HEBP2: variants seen among roughly 807,000 people sequenced by gnomAD.
The protein encoded by HEBP2 is heme binding protein 2.
A neutral mutation model predicts 23.1 loss-of-function variants in HEBP2; 27 were observed. The observed-to-expected ratio is 1.17, with a 90% CI of 0.86 to 1.61. The LOEUF (loss-of-function observed/expected upper bound fraction) is 1.61, where lower values mean the gene tolerates loss of function less well. Among genes scored for constraint, HEBP2 ranks in the 40% most tolerant of loss-of-function variants. The pLI, the probability that HEBP2 is intolerant of heterozygous loss-of-function variation, is 0.00. For missense variants in HEBP2, 245 were observed against 253.8 expected, an observed-to-expected ratio of 0.97 and a Z score of 0.24; for synonymous variants, 99 against 95.1, an observed-to-expected ratio of 1.04 and a Z score of -0.24.
chr6:138,409,481 T>G (rs1438637539), intron 3 of HEBP2, among the ~76,000 whole-genome samples: 1 of 152,244 alleles, frequency 6.6e-6, no homozygotes, highest in African/African-American at 2.4e-5. Flanking sequence ...GGGACCGCAC[T>G]AAGTCATCTT....
At chr6:138,403,716 A>C, upstream of HEBP2, 1 of 411,670 alleles carries the variant, frequency 2.4e-6, no homozygotes, top group Non-Finnish European at 4.3e-6. Context: ...AAATTCTTGA[A>C]AAGCACTAGT....
chr6:138,405,907 G>T (rs1379644975), intron 2 of HEBP2, 64 bp from the exon 3 acceptor site: 27 of 1,312,084 alleles, frequency 2.1e-5, no homozygotes, highest in Non-Finnish European at 2.9e-5. Flanking sequence ...GATCAAAAAA[G>T]AATAGGTTAA....
chr6:138,411,567 A>T (rs546225304), intron 3 of HEBP2, among the ~76,000 whole-genome samples: 28 of 152,256 alleles, frequency 1.8e-4, no homozygotes, highest in Middle Eastern at 3.4e-3. Flanking sequence ...CAGCAAAACC[A>T]TCCTCCATTC....
At chr6:138,405,082 T>C in intron 1 of HEBP2, 63 bp from the exon 2 acceptor site, 1 of 1,565,406 alleles carries the variant, frequency 6.4e-7, no homozygotes, top group Non-Finnish European at 8.7e-7. Context: ...GGCACCGGTA[T>C]TTTTGCATCT....
intron 1 of HEBP2, 94 bp from the exon 2 acceptor site, chr6:138,405,051 T>G (rs912322510): frequency 2.1e-6 from 3 of 1,416,492 alleles, no homozygotes; most frequent in Admixed American, 2.0e-5. Context: ...ACAGGACGGC[T>G]CCAGGTCGAC....
At position 138,421,711 on chromosome 6, in the gene HEBP2, T is replaced by C. The variant is rs1217031568; in HGVS notation, c.*8633T>C. 1 of 152,164 alleles carries C rather than the reference T, an allele frequency of 6.6e-6. No individual in the cohort carries two copies. The highest frequency in any genetic ancestry group is 1.5e-5 in the Non-Finnish European group (1 of 68,028). 9.4% of individuals were successfully genotyped at this position (152,164 alleles called of 1,614,324 possible). ...TTTCAGGGATGAGTCTCGATTCTTC[T>C]CTCCCTGTATTTCATCCATGCCTGT... On this transcript the variant is annotated 3_prime_UTR_variant, in exon 4 of 4. Transcript: ENST00000607197.
In HEBP2 at chr6:138,418,765, A is replaced by G. The variant is rs2128183416; in HGVS notation, c.*5687A>G. 1 of 152,152 alleles carries G rather than the reference A, an allele frequency of 6.6e-6. No homozygotes were observed. Among genetic ancestry groups the G allele is most frequent in the East Asian group, 1.9e-4 (1 of 5,178 alleles). The allele number at this position is 152,152 out of a possible 1,614,324, so 9.4% of individuals were successfully genotyped here. A position where few individuals can be genotyped will look rare whatever the true frequency, so the allele number is the denominator to read the frequency against. On this transcript the variant is annotated 3_prime_UTR_variant, in exon 4 of 4. Transcript: ENST00000607197. The stretch of plus-strand genomic sequence containing the variant: ...AGTTGCAAGCTGAAAATGGACCTTC[A>G]CTCAAAGGTGACATTGAAAAACGGG...
In HEBP2 at chr6:138,405,084, T is replaced by G. The variant is rs1774617903; in HGVS notation, c.103-61T>G. ...GACCCGAGATCATGGCACCGGTATT[T>G]TTGCATCTCACTCCTACCCTCTTAG... On this transcript the variant is annotated intron_variant, in intron 1 of 3. Transcript: ENST00000607197. The G allele has an allele frequency of 1.9e-6, 3 of 1,570,800 alleles. No individual in the cohort carries two copies. In the South Asian group the frequency reaches 3.4e-5, roughly 18 times the overall value.
In HEBP2 at chr6:138,413,023, G is replaced by C; in HGVS notation, c.563G>C (p.Arg188Thr). The change falls in exon 4 of 4, where the codon AGA becomes ACA. Residue 188 changes from arginine (R) to threonine (T), a missense_variant. Arg to Thr is a moderately conservative substitution (Grantham distance 71, BLOSUM62 -1). Transcript: ENST00000607197. Reference sequence around the variant, plus strand: ...AACAGTCCTGTCAAATTGCTTAATAGAAATAATGAAGTGTGGTTGATTCAA... The same window carrying C: ...AACAGTCCTGTCAAATTGCTTAATACAAATAATGAAGTGTGGTTGATTCAA... ...GYNSPVKLLN[R>T]NNEVWLIQKN... is the part of the protein sequence containing the mutation. The C allele has an allele frequency of 6.2e-7, 1 of 1,613,972 alleles. No homozygotes were observed. Among genetic ancestry groups the C allele is most frequent in the South Asian group, 1.1e-5 (1 of 91,072 alleles).
chr6:138,403,544 C>T (rs770626169), upstream of HEBP2: 4 of 484,940 alleles, frequency 8.2e-6, no homozygotes, highest in South Asian at 1.4e-4. Flanking sequence ...CGGAGAGCCT[C>T]GGAGCTCTGG....
chr6:138,408,946 GC>G (rs547401725), intron 3 of HEBP2, among the ~76,000 whole-genome samples: 4 of 152,048 alleles, frequency 2.6e-5, no homozygotes, highest in Non-Finnish European at 5.9e-5. Context: ...CTAAAAATGA[GC>G]CTTTGCCCAA....
In HEBP2 at chr6:138,404,576, C is replaced by A; in HGVS notation, c.81C>A (p.Ala27=). ...CTGTGGAGACGCCGGGCTGGAAGGC[C>A]CCGGAGGACGCCGGCCCCCAGGTAG... ...AQAVETPGWK[A]PEDAGPQPGS... is the part of the protein sequence containing the mutation. Residue 27 remains alanine (A), a synonymous_variant, in exon 1 of 4, where the codon GCC becomes GCA. Coordinates refer to ENST00000607197, the MANE Select transcript of HEBP2 (RefSeq NM_014320.3). 1 of 1,301,980 alleles carries A rather than the reference C, an allele frequency of 7.7e-7. No homozygotes were observed. Among genetic ancestry groups the A allele is most frequent in the South Asian group, 2.2e-5 (1 of 45,620 alleles). The allele number at this position is 1,301,980 out of a possible 1,614,324, so 80.7% of individuals were successfully genotyped here. A position where few individuals can be genotyped will look rare whatever the true frequency, so the allele number is the denominator to read the frequency against.
rs1431922113 is a variant in HEBP2 at position 138,418,790 on chromosome 6, G to GA, written c.*5719dup. 3.9e-5 allele frequency: 6 copies of GA among 152,082 alleles called. No individual in the cohort carries two copies. The highest frequency in any genetic ancestry group is 4.4e-5 in the Non-Finnish European group (3 of 68,010). 9.4% of individuals were successfully genotyped at this position (152,082 alleles called of 1,614,324 possible). On this transcript the variant is annotated 3_prime_UTR_variant, in exon 4 of 4. Coordinates refer to ENST00000607197, the MANE Select transcript of HEBP2 (RefSeq NM_014320.3). ...ACTCAAAGGTGACATTGAAAAACGG[G>GA]AAAAAAATTGCAATCTTCCTGCAAA... is the stretch of plus-strand genomic sequence containing the variant.
rs1774855309 is a variant in HEBP2 at position 138,417,292 on chromosome 6, A to C, written c.*4214A>C. On this transcript the variant is annotated 3_prime_UTR_variant, in exon 4 of 4. Coordinates refer to ENST00000607197, the MANE Select transcript of HEBP2 (RefSeq NM_014320.3). ...TTTGTTCCTTGACCTGTGGGGAAAG[A>C]GTATAAGCTTCTAAACTCCCTCTCC... 1 of 152,200 alleles carries C rather than the reference A, an allele frequency of 6.6e-6. No individual in the cohort carries two copies. The highest frequency in any genetic ancestry group is 2.1e-4 in the South Asian group (1 of 4,824). 9.4% of individuals were successfully genotyped at this position (152,200 alleles called of 1,614,324 possible).
At chr6:138,403,545 G>A, upstream of HEBP2, 1 of 483,828 alleles carries the variant, frequency 2.1e-6, no homozygotes, top group Non-Finnish European at 3.7e-6. Context: ...GGAGAGCCTC[G>A]GAGCTCTGGC....
At position 138,404,428 on chromosome 6, in the gene HEBP2, A is replaced by C. The variant is rs1336762175; in HGVS notation, c.-68A>C. On this transcript the variant is annotated 5_prime_UTR_variant, in exon 1 of 4. Coordinates refer to ENST00000607197, the MANE Select transcript of HEBP2 (RefSeq NM_014320.3). ...GGGCCTCGGCGGGGCGCGCACACGCAGGCGGGGCGGCCCGGGGTGCGGGGC... is the reference window on the plus strand; with the variant it reads ...GGGCCTCGGCGGGGCGCGCACACGCCGGCGGGGCGGCCCGGGGTGCGGGGC... 4 of 1,064,154 alleles carry C rather than the reference A, an allele frequency of 3.8e-6. No individual in the cohort carries two copies. The highest frequency in any genetic ancestry group is 4.4e-5 in the Admixed American group (1 of 22,548). The allele number at this position is 1,064,154 out of a possible 1,614,324, so 65.9% of individuals were successfully genotyped here. A position where few individuals can be genotyped will look rare whatever the true frequency, so the allele number is the denominator to read the frequency against.
In HEBP2 at chr6:138,405,004, G is replaced by A. The variant is rs983445514; in HGVS notation, c.103-141G>A. On this transcript the variant is annotated intron_variant, in intron 1 of 3. Transcript: ENST00000607197. ...GAACCTCCCAGACCTAAGGAGCGGG[G>A]ACCTCAGGCCGGACCCCGGGGCGGT... is the stretch of plus-strand genomic sequence containing the variant. 3.1e-5 allele frequency: 25 copies of A among 795,288 alleles called. No homozygotes were observed. The African/African-American group carries it at 4.2e-4, about 13-fold the overall frequency. The allele number at this position is 795,288 out of a possible 1,614,324, so 49.3% of individuals were successfully genotyped here.
chr6:138,413,284 T>TC lies in HEBP2; in HGVS notation c.*207dup. Reference sequence around the variant, plus strand: ...GGACAGTAGTCTGTAAACATATAAATCGGTCATAACTATCGTGGTCTTTAT... The same window carrying TC: ...GGACAGTAGTCTGTAAACATATAAATCCGGTCATAACTATCGTGGTCTTTAT... On this transcript the variant is annotated 3_prime_UTR_variant, in exon 4 of 4. Coordinates refer to ENST00000607197, the MANE Select transcript of HEBP2 (RefSeq NM_014320.3). 1 of 521,782 alleles carries TC rather than the reference T, an allele frequency of 1.9e-6. No homozygotes were observed. Among genetic ancestry groups the TC allele is most frequent in the African/African-American group, 1.9e-5 (1 of 52,772 alleles). The allele number at this position is 521,782 out of a possible 1,614,324, so 32.3% of individuals were successfully genotyped here.
chr6:138,406,676 T>TA (rs1471232450), intron 3 of HEBP2, among the ~76,000 whole-genome samples: 3 of 152,192 alleles, frequency 2.0e-5, no homozygotes, highest in Non-Finnish European at 4.4e-5. Flanking sequence ...GGACATGTTT[T>TA]ACAAGGCTCT....
Sources: gnomAD v4.1 joint callset for allele counts (sites outside exome capture counted in the v4.1 genomes callset) on GRCh38, gnomAD v4.1.1 for gene constraint, MANE v1.5 for transcripts, NCBI Gene and HGNC (gene_info 2026-07-23, HGNC 2026-07-21) for gene names.